The following ZBTB20 variants were observed in gnomAD, a reference collection of about 807,000 sequenced individuals.
ZBTB20 encodes the protein zinc finger and BTB domain containing 20.
ZBTB20 carries 9 observed loss-of-function variants against 56.9 expected under a neutral mutation model. The ratio of observed to expected loss-of-function variants is 0.16; its 90% CI spans 0.10 to 0.28. The LOEUF is 0.28. Ranked by LOEUF, ZBTB20 falls within the 10% of genes least tolerant of loss-of-function variation. The probability of loss-of-function intolerance (pLI) is 1.00; values close to 1 mark genes in which losing one functional copy is unlikely to be tolerated. For synonymous variants in ZBTB20, 417 were observed against 420.7 expected, an observed-to-expected ratio of 0.99 and a Z score of 0.11; for missense variants, 655 against 1,003.0, an observed-to-expected ratio of 0.65 and a Z score of 4.69.
At chr3:114,754,470 G>T (rs551934163) in intron 5 of ZBTB20, among the ~76,000 whole-genome samples, 1 of 152,184 alleles carries the variant, frequency 6.6e-6, no homozygotes, top group East Asian at 1.9e-4. Context: ...TTGTAGTAGG[G>T]TCCTATTCTA....
Position 114,900,913 on chromosome 3 carries a change from C to T in ZBTB20, c.-455-571G>A, listed in dbSNP as rs139281714. 2.4e-3 allele frequency among the ~76,000 whole-genome samples: 371 copies of T among 152,248 alleles called. 1 individual carries two copies. Among genetic ancestry groups the T allele is most frequent in the African/African-American group, 8.5e-3 (352 of 41,554 alleles). On this transcript the variant is annotated intron_variant, in intron 3 of 11. Coordinates refer to ENST00000675478, the MANE Select transcript of ZBTB20 (RefSeq NM_001348800.3). Reference sequence around the variant, plus strand: ...GCTACAAGAAGGAATGCTAACACCACGTCGGATATAATGCAAAATGCCTCA... The same window carrying T: ...GCTACAAGAAGGAATGCTAACACCATGTCGGATATAATGCAAAATGCCTCA...
chr3:115,036,958 A>G (rs1473031361), intron 2 of ZBTB20, among the ~76,000 whole-genome samples: 1 of 152,216 alleles, frequency 6.6e-6, no homozygotes, highest in Non-Finnish European at 1.5e-5. Context: ...GTTTCATCAC[A>G]GAGGAAGCTT....
chr3:114,807,126 C>G (rs928750527), intron 4 of ZBTB20, among the ~76,000 whole-genome samples: 2 of 151,888 alleles, frequency 1.3e-5, no homozygotes, highest in African/African-American at 4.8e-5. Context: ...TCTGTAAAAA[C>G]GCCTTTATTC....
At chr3:114,787,914 C>T (rs565503241) in intron 5 of ZBTB20, among the ~76,000 whole-genome samples, 32 of 152,180 alleles carry the variant, frequency 2.1e-4, no homozygotes, top group Admixed American at 1.8e-3. Flanking sequence ...TCTAACATAG[C>T]TACAAATTTA....
intron 10 of ZBTB20, among the ~76,000 whole-genome samples, chr3:114,378,333 C>T (rs2083899495): frequency 6.6e-6 from 1 of 152,188 alleles, no homozygotes; most frequent in Non-Finnish European, 1.5e-5. Flanking sequence ...AGAAGACTTA[C>T]ACATCTTAAT....
At chr3:114,949,822 A>G (rs2077003055) in intron 3 of ZBTB20, among the ~76,000 whole-genome samples, 2 of 152,226 alleles carry the variant, frequency 1.3e-5, no homozygotes, top group Admixed American at 6.5e-5. Context: ...TCAGAATAAA[A>G]GTAGATATCT....
Position 114,712,651 on chromosome 3 carries a change from C to G in ZBTB20, c.-342-19076G>C, listed in dbSNP as rs200599126. 8.7e-4 allele frequency among the ~76,000 whole-genome samples: 124 copies of G among 142,820 alleles called. 1 individual carries two copies. In the East Asian group the frequency reaches 0.024, roughly 28 times the overall value. 93.7% of individuals were successfully genotyped at this position (142,820 alleles called of 152,430 possible). ...CTGAGCAACAAGAGTGAAACTCCAT[C>G]TCGAAAAAAAAAAAAAAAAAGAGTT... On this transcript the variant is annotated intron_variant, in intron 5 of 11. Coordinates refer to ENST00000675478, the MANE Select transcript of ZBTB20 (RefSeq NM_001348800.3).
intron 5 of ZBTB20, among the ~76,000 whole-genome samples, chr3:114,747,497 G>A (rs1447836038): frequency 2.6e-5 from 4 of 152,160 alleles, no homozygotes; most frequent in African/African-American, 9.7e-5. Context: ...CCAGGAGATG[G>A]AGGTTGCAGT....
chr3:114,921,346 C>T (rs1044650857), intron 3 of ZBTB20, among the ~76,000 whole-genome samples: 1 of 152,136 alleles, frequency 6.6e-6, no homozygotes, highest in Non-Finnish European at 1.5e-5. Flanking sequence ...TGGTCTCAAC[C>T]TCCAGAATTC....
At chr3:114,575,591 T>TAAAAA (rs11338329) in intron 6 of ZBTB20, among the ~76,000 whole-genome samples, 1 of 138,298 alleles carries the variant, frequency 7.2e-6, no homozygotes, top group East Asian at 2.2e-4. Flanking sequence ...CTTTAAAAAA[T>TAAAAA]AAAAAAAAAA....
At chr3:114,496,736 T>G (rs1021600642) in intron 7 of ZBTB20, among the ~76,000 whole-genome samples, 2 of 152,208 alleles carry the variant, frequency 1.3e-5, no homozygotes, top group South Asian at 4.1e-4. Context: ...TGTGCATAAG[T>G]TGCAATTCAG....
intron 5 of ZBTB20, among the ~76,000 whole-genome samples, chr3:114,703,031 T>A (rs1430766140): frequency 6.6e-6 from 1 of 152,148 alleles, no homozygotes; most frequent in Non-Finnish European, 1.5e-5. Context: ...AGTGTGTGTG[T>A]GATCCTCAAG....
chr3:114,985,104 C>T (rs973704465), intron 2 of ZBTB20, among the ~76,000 whole-genome samples: 3 of 152,062 alleles, frequency 2.0e-5, no homozygotes, highest in Non-Finnish European at 4.4e-5. Context: ...CAGGATATCA[C>T]TATCTGCAAC....
chr3:114,500,942 A>G (rs1358938815), intron 6 of ZBTB20, among the ~76,000 whole-genome samples: 1 of 152,204 alleles, frequency 6.6e-6, no homozygotes, highest in African/African-American at 2.4e-5. Context: ...TTTACTATAC[A>G]GTACATGACC....
chr3:114,954,112 C>A (rs569458025), intron 3 of ZBTB20, among the ~76,000 whole-genome samples: 2 of 152,066 alleles, frequency 1.3e-5, no homozygotes, highest in Non-Finnish European at 2.9e-5. Flanking sequence ...AGTTTTCATA[C>A]TTTTATGAAA....
intron 7 of ZBTB20, among the ~76,000 whole-genome samples, chr3:114,438,228 G>A (rs564086732): frequency 7.2e-5 from 11 of 152,146 alleles, no homozygotes; most frequent in Admixed American, 2.0e-4. Context: ...AGATCAGCTT[G>A]TTTTTAGCAT....
chr3:114,716,470 A>T (rs1411230745), intron 5 of ZBTB20, among the ~76,000 whole-genome samples: 1 of 152,198 alleles, frequency 6.6e-6, no homozygotes, highest in Non-Finnish European at 1.5e-5. Flanking sequence ...GCTGAAAAAA[A>T]TCAATAGTGT....
At chr3:114,609,150 T>A (rs559612113) in intron 6 of ZBTB20, among the ~76,000 whole-genome samples, 1 of 152,194 alleles carries the variant, frequency 6.6e-6, no homozygotes, top group Non-Finnish European at 1.5e-5. Context: ...AGAAACACCA[T>A]CTAAGATGAG....
At chr3:114,624,359 A>AAG (rs1407915001) in intron 6 of ZBTB20, among the ~76,000 whole-genome samples, 1 of 88,626 alleles carries the variant, frequency 1.1e-5, no homozygotes, top group Non-Finnish European at 2.5e-5. Flanking sequence ...TAAGAGAAAC[A>AAG]AAAAAAAAAA....
Sources: gnomAD v4.1 joint callset for allele counts (sites outside exome capture counted in the v4.1 genomes callset) on GRCh38, gnomAD v4.1.1 for gene constraint, MANE v1.5 for transcripts, NCBI Gene and HGNC (gene_info 2026-07-23, HGNC 2026-07-21) for gene names.